The following CEP152 variants were observed in gnomAD, a reference collection of about 807,000 sequenced individuals.
CEP152 encodes centrosomal protein 152.
A neutral mutation model predicts 188.9 loss-of-function variants in CEP152; 132 were observed. The observed-to-expected ratio is 0.70, with a 90% CI of 0.61 to 0.81. CEP152 has a LOEUF of 0.81. Among genes scored for constraint, CEP152 ranks in the 30% least tolerant of loss-of-function variants. The pLI is 0.00. For synonymous variants in CEP152, 649 were observed against 666.6 expected, an observed-to-expected ratio of 0.97 and a Z score of 0.41; for missense variants, 1,914 against 1,969.8, an observed-to-expected ratio of 0.97 and a Z score of 0.54.
At position 48,767,459 on chromosome 15, in the gene CEP152, C is replaced by G; in HGVS notation, c.2023G>C (p.Glu675Gln). Residue 675 changes from glutamate to glutamine, a missense_variant, in exon 16 of 27, where the codon GAA becomes CAA. Coordinates refer to ENST00000380950, the MANE Select transcript of CEP152 (RefSeq NM_001194998.2). ...HDKQEAVDRC[E>Q]RTYQQHHEAM... is the part of the protein sequence containing the mutation. ...TCATGGTGCTGCTGATAAGTCCTTT[C>G]ACACCTGGAAACAGAGCGGAATCAA... is the stretch of plus-strand genomic sequence containing the variant. 6.2e-7 allele frequency: 1 copy of G among 1,614,104 alleles called. No individual in the cohort carries two copies. Among genetic ancestry groups the G allele is most frequent in the Non-Finnish European group, 8.5e-7 (1 of 1,179,994 alleles).
chr15:48,796,035 T>C lies in CEP152; in HGVS notation c.666A>G (p.Gln222=). 6.2e-7 allele frequency: 1 copy of C among 1,613,938 alleles called. No individual in the cohort carries two copies. The highest frequency in any genetic ancestry group is 2.2e-5 in the East Asian group (1 of 44,872). ...TCTCATTAGCTCCTAAAAATTGTTG[T>C]TGCAGGCCTTCGAATGTGTCACTTC... The part of the protein sequence containing the change: ...ITGSDTFEGL[Q]QQFLGANENS... Residue 222 remains glutamine, a synonymous_variant, in exon 6 of 27, where the codon CAA becomes CAG. Transcript: ENST00000380950.
chr15:48,786,178 A>T (rs1896621540), intron 9 of CEP152, among the ~76,000 whole-genome samples: 1 of 152,208 alleles, frequency 6.6e-6, no homozygotes. Flanking sequence ...ACAGAAGGAA[A>T]AAAGTAATAT....
intron 17 of CEP152, among the ~76,000 whole-genome samples, chr15:48,763,148 T>G (rs1405464058): frequency 6.6e-6 from 1 of 152,216 alleles, no homozygotes; most frequent in Non-Finnish European, 1.5e-5. Flanking sequence ...GTGTTAAATT[T>G]TACTAAGTAG....
chr15:48,806,865 C>A (rs1461420189), intron 1 of CEP152, among the ~76,000 whole-genome samples: 1 of 152,042 alleles, frequency 6.6e-6, no homozygotes, highest in East Asian at 1.9e-4. Context: ...AATTTTAGGA[C>A]GCAGTCTATG....
chr15:48,753,684 A>C (rs948737311), intron 20 of CEP152, among the ~76,000 whole-genome samples: 29 of 152,334 alleles, frequency 1.9e-4, no homozygotes, highest in Middle Eastern at 3.4e-3. Context: ...GAGAAAAGCA[A>C]CAACCTTTTT....
chr15:48,790,772 T>C (rs1896943081), intron 8 of CEP152, among the ~76,000 whole-genome samples: 1 of 152,154 alleles, frequency 6.6e-6, no homozygotes, highest in Non-Finnish European at 1.5e-5. Context: ...TTCACAATGT[T>C]GGCCAGGCTG....
intron 26 of CEP152, 127 bp downstream of exon 26, chr15:48,741,470 TTAAG>T (rs1892967169): frequency 7.7e-6 from 12 of 1,557,996 alleles, no homozygotes. Context: ...AACTTCTAGT[TTAAG>T]TAAAACATAC....
chr15:48,767,841 C>A (rs1374259905), intron 15 of CEP152, among the ~76,000 whole-genome samples: 1 of 152,136 alleles, frequency 6.6e-6, no homozygotes, highest in Non-Finnish European at 1.5e-5. Flanking sequence ...CCCCAACTCA[C>A]AAGTAAGTTA....
At position 48,767,429 on chromosome 15, in the gene CEP152, T is replaced by C. The variant is rs1895207048; in HGVS notation, c.2053A>G (p.Met685Val). The C allele has an allele frequency of 6.2e-7, 1 of 1,614,192 alleles. No homozygotes were observed. Among genetic ancestry groups the C allele is most frequent in the Non-Finnish European group, 8.5e-7 (1 of 1,180,006 alleles). ...AGGCTTTCACGTATTTGAGTTTTCA[T>C]GGCTTCATGGTGCTGCTGATAAGTC... ...ERTYQQHHEA[M>V]KTQIRESLLA... Residue 685 changes from methionine to valine, a missense_variant, in exon 16 of 27, where the codon ATG becomes GTG. Met to Val is a conservative substitution (Grantham distance 21). Transcript: ENST00000380950.
chr15:48,773,179 C>A (rs764761763), intron 12 of CEP152: 1 of 156,500 alleles, frequency 6.4e-6, no homozygotes, highest in Non-Finnish European at 1.4e-5. Context: ...CTAATTTAAA[C>A]CCAATTTTAG....
At chr15:48,740,310 C>T (rs1313241974) in intron 26 of CEP152, among the ~76,000 whole-genome samples, 1 of 152,092 alleles carries the variant, frequency 6.6e-6, no homozygotes, top group Non-Finnish European at 1.5e-5. Flanking sequence ...ACTGCATTTG[C>T]TTGGTATATC....
intron 2 of CEP152, chr15:48,729,265 G>C (rs145957990): frequency 6.6e-6 from 1 of 152,374 alleles, no homozygotes; most frequent in Non-Finnish European, 1.5e-5. Context: ...GCTGGGCACA[G>C]TGGCTCACGC....
At chr15:48,787,163 G>GTTCTTTTTT (rs1896698258) in intron 9 of CEP152, among the ~76,000 whole-genome samples, 1 of 101,500 alleles carries the variant, frequency 9.9e-6, no homozygotes, top group African/African-American at 3.7e-5. Flanking sequence ...TATAGCCTTC[G>GTTCTTTTTT]TTTTTTTTTT....
intron 12 of CEP152, among the ~76,000 whole-genome samples, chr15:48,778,795 C>A (rs1169894906): frequency 6.6e-6 from 1 of 151,826 alleles, no homozygotes; most frequent in Non-Finnish European, 1.5e-5. Context: ...ACTAAAAATA[C>A]AAAATTAGCT....
rs763565731 is a variant in CEP152 at position 48,742,001 on chromosome 15, C to A, written c.3935G>T (p.Arg1312Leu). 1.2e-6 allele frequency: 2 copies of A among 1,614,144 alleles called. No individual in the cohort carries two copies. The highest frequency in any genetic ancestry group is 4.5e-5 in the East Asian group (2 of 44,884). Residue 1312 changes from arginine to leucine, a missense_variant, in exon 25 of 27, where the codon CGC (arginine) becomes CTC (leucine). Coordinates refer to ENST00000380950, the MANE Select transcript of CEP152 (RefSeq NM_001194998.2). ...TTGGAGGCAAATCAAATAATATTTG[C>A]GCATCTTTCGGGCGGTTTCTTGACG... ...RERQETARKMRKYYLICLQQI... is the reference protein window; with the variant it reads ...RERQETARKMLKYYLICLQQI...
Position 48,744,901 on chromosome 15 carries a change from T to A in CEP152, c.3726A>T (p.Pro1242=). ...LEELQTLCKT[P]PRSLSAGAIE... ...TTAAAATAGTAAAAGTATACCTTGG[T>A]GGTGTTTTACAAAGTGTTTGCAATT... The change falls in exon 23 of 27, where the codon CCA becomes CCT. Residue 1242 remains proline (P), a synonymous_variant. Transcript: ENST00000380950. 3 of 1,609,104 alleles carry A rather than the reference T, an allele frequency of 1.9e-6. No individual in the cohort carries two copies. The highest frequency in any genetic ancestry group is 2.5e-6 in the Non-Finnish European group (3 of 1,178,436).
At chr15:48,781,932 G>A (rs1036926656) in intron 11 of CEP152, among the ~76,000 whole-genome samples, 5 of 152,200 alleles carry the variant, frequency 3.3e-5, no homozygotes, top group African/African-American at 1.2e-4. Context: ...CAAGCTGGCA[G>A]GAAGTGCAGG....
chr15:48,741,559 A>G (rs1892972230), intron 26 of CEP152, 42 bp downstream of exon 26: 1 of 1,613,850 alleles, frequency 6.2e-7, no homozygotes, highest in African/African-American at 1.3e-5. Flanking sequence ...TAGCTAAAGA[A>G]GAAAAGATAG....
intron 22 of CEP152, among the ~76,000 whole-genome samples, chr15:48,747,493 A>C (rs1354492197): frequency 6.6e-6 from 1 of 152,232 alleles, no homozygotes. Flanking sequence ...TAATAGAGGA[A>C]GAGCCAATGC....
Sources: gnomAD v4.1 joint callset for allele counts (sites outside exome capture counted in the v4.1 genomes callset) on GRCh38, gnomAD v4.1.1 for gene constraint, MANE v1.5 for transcripts, NCBI Gene and HGNC (gene_info 2026-07-23, HGNC 2026-07-21) for gene names.